Variants in ERG observed in about 807,000 individuals in gnomAD.
The protein encoded by ERG is ETS transcription factor ERG, also known as transcriptional regulator ERG.
A neutral mutation model predicts 55.3 loss-of-function variants in ERG; 9 were observed. That is an observed-to-expected ratio of 0.16 (90% CI 0.10 to 0.28). ERG has a LOEUF of 0.28. Among genes scored for constraint, ERG ranks in the 10% least tolerant of loss-of-function variants. ERG has a pLI of 1.00. For synonymous variants in ERG, 223 were observed against 237.3 expected, an observed-to-expected ratio of 0.94 and a Z score of 0.55; for missense variants, 434 against 631.6, an observed-to-expected ratio of 0.69 and a Z score of 3.35.
intron 1 of ERG, among the ~76,000 whole-genome samples, chr21:38,466,535 A>C (rs1447956117): frequency 6.6e-6 from 1 of 152,148 alleles, no homozygotes; most frequent in Non-Finnish European, 1.5e-5. Context: ...TCGTGGGCTC[A>C]TGATCCTGGA....
chr21:38,609,100 A>G (rs1256963756), intron 1 of ERG, among the ~76,000 whole-genome samples: 1 of 152,208 alleles, frequency 6.6e-6, no homozygotes, highest in Admixed American at 6.5e-5. Flanking sequence ...AGACCAGATC[A>G]GACTTTTAAG....
chr21:38,582,355 T>C (rs573208561), intron 1 of ERG, among the ~76,000 whole-genome samples: 5 of 152,340 alleles, frequency 3.3e-5, no homozygotes, highest in East Asian at 1.9e-4. Flanking sequence ...CTTCCGGTAG[T>C]CAGTGTCAGA....
intron 2 of ERG, among the ~76,000 whole-genome samples, chr21:38,435,423 C>A (rs1025733715): frequency 6.6e-6 from 1 of 152,202 alleles, no homozygotes; most frequent in African/African-American, 2.4e-5. Context: ...ATGGCTGGAG[C>A]AGCGGGTGGA....
intron 1 of ERG, among the ~76,000 whole-genome samples, chr21:38,491,611 A>G (rs2081306978): frequency 6.6e-6 from 1 of 152,248 alleles, no homozygotes; most frequent in African/African-American, 2.4e-5. Context: ...GCTTGGCCTT[A>G]GCATTTCTTT....
chr21:38,531,778 A>AG (rs2059673941), intron 2 of ERG, among the ~76,000 whole-genome samples: 1 of 152,226 alleles, frequency 6.6e-6, no homozygotes, highest in Non-Finnish European at 1.5e-5. Flanking sequence ...AGCATTCTGC[A>AG]GAGTCAAGCG....
At chr21:38,522,473 T>C (rs2059601996) in intron 2 of ERG, among the ~76,000 whole-genome samples, 1 of 152,210 alleles carries the variant, frequency 6.6e-6, no homozygotes, top group Non-Finnish European at 1.5e-5. Flanking sequence ...TATTCTTTTA[T>C]TTGCAATATG....
intron 1 of ERG, among the ~76,000 whole-genome samples, chr21:38,616,360 T>C (rs1309549203): frequency 1.3e-5 from 2 of 152,106 alleles, no homozygotes; most frequent in Non-Finnish European, 2.9e-5. Context: ...GCAAAGCACC[T>C]AGTGAATGAA....
chr21:38,487,700 AT>A (rs2059299361), intron 1 of ERG, among the ~76,000 whole-genome samples: 1 of 152,220 alleles, frequency 6.6e-6, no homozygotes, highest in South Asian at 2.1e-4. Context: ...GAGCTGTCTC[AT>A]GGAGTTTCAC....
chr21:38,522,203 A>G (rs1241380825), intron 2 of ERG, among the ~76,000 whole-genome samples: 1 of 152,188 alleles, frequency 6.6e-6, no homozygotes, highest in Non-Finnish European at 1.5e-5. Flanking sequence ...AAGCTGTTTC[A>G]TATATAAGTT....
At chr21:38,579,880 G>A (rs2060017772) in intron 1 of ERG, among the ~76,000 whole-genome samples, 1 of 151,512 alleles carries the variant, frequency 6.6e-6, no homozygotes, top group Non-Finnish European at 1.5e-5. Flanking sequence ...GAGTGCAGTG[G>A]TACGATCTCG....
chr21:38,414,040 T>G (rs192085723), intron 3 of ERG, among the ~76,000 whole-genome samples: 1 of 152,342 alleles, frequency 6.6e-6, no homozygotes. Context: ...GTCTCATAGT[T>G]CTGGAGGATC....
chr21:38,378,632 G>T (rs1467852634), downstream of ERG, among the ~76,000 whole-genome samples: 1 of 152,116 alleles, frequency 6.6e-6, no homozygotes, highest in Non-Finnish European at 1.5e-5. Flanking sequence ...CATTCCCCTT[G>T]TCTCTCCCCA....
chr21:38,612,147 C>T (rs1477699880), intron 1 of ERG, among the ~76,000 whole-genome samples: 5 of 152,156 alleles, frequency 3.3e-5, no homozygotes, highest in African/African-American at 7.2e-5. Flanking sequence ...GATCCAGCGA[C>T]GTCCTGAATG....
chr21:38,452,330 CATAT>C (rs898916189), intron 1 of ERG, among the ~76,000 whole-genome samples: 3 of 151,994 alleles, frequency 2.0e-5, no homozygotes, highest in African/African-American at 4.8e-5. Flanking sequence ...TGCGCAAATA[CATAT>C]ATACATACAC....
At position 38,648,965 on chromosome 21, in the gene ERG, AGG is replaced by A; in HGVS notation, c.-150+12691_-150+12692del. Among the ~76,000 whole-genome samples, 2 of 152,286 alleles carry A rather than the reference AGG, an allele frequency of 1.3e-5. 1 individual carries two copies. The highest frequency in any genetic ancestry group is 6.8e-3 in the Middle Eastern group (2 of 294). On this transcript the variant is annotated intron_variant, in intron 1 of 10. Transcript: ENST00000398910. ...TCTAGAAGCTCAGAGACAGTGAGGA[AGG>A]GGCATTGCTCAGCGATGCTTAGATG...
At chr21:38,425,996 A>G in intron 2 of ERG, among the ~76,000 whole-genome samples, 1 of 152,218 alleles carries the variant, frequency 6.6e-6, no homozygotes, top group East Asian at 1.9e-4. Context: ...TCTGAAGCCT[A>G]TGGAGGGATC....
intron 1 of ERG, among the ~76,000 whole-genome samples, chr21:38,634,311 G>C (rs2060375093): frequency 1.3e-5 from 2 of 152,156 alleles, no homozygotes; most frequent in South Asian, 4.1e-4. Context: ...TATTCGAGGA[G>C]GGAAAAGTAG....
Position 38,486,140 on chromosome 21 carries a change from A to G in ERG, c.18+12223T>C, listed in dbSNP as rs558772466. ...AGTAGAGACGGGATTTCACTGTGTT[A>G]GCCAGGATGGTCTCCATCTCCTGAC... On this transcript the variant is annotated intron_variant, in intron 1 of 9. Coordinates refer to ENST00000288319, the MANE Select transcript of ERG (RefSeq NM_182918.4). 2.6e-3 allele frequency among the ~76,000 whole-genome samples: 382 copies of G among 148,550 alleles called. 2 individuals are homozygous for G. The highest frequency in any genetic ancestry group is 9.0e-3 in the African/African-American group (363 of 40,284).
intron 3 of ERG, among the ~76,000 whole-genome samples, chr21:38,414,032 C>A (rs1179498174): frequency 6.6e-6 from 1 of 152,220 alleles, no homozygotes; most frequent in East Asian, 1.9e-4. Flanking sequence ...AATTCATCGT[C>A]TCATAGTTCT....
Sources: allele counts gnomAD v4.1 joint callset (sites outside exome capture counted in the v4.1 genomes callset), GRCh38; gene constraint gnomAD v4.1.1; transcripts MANE v1.5; gene names NCBI Gene and HGNC (gene_info 2026-07-23, HGNC 2026-07-21).